The following HSPG2 variants were observed in gnomAD, a reference collection of about 807,000 sequenced individuals.
The protein encoded by HSPG2 is basement membrane-specific heparan sulfate proteoglycan core protein.
A neutral mutation model predicts 526.6 loss-of-function variants in HSPG2; 278 were observed. That is an observed-to-expected ratio of 0.53 (90% CI 0.48 to 0.58). The LOEUF is 0.58. Among genes scored for constraint, HSPG2 ranks in the 20% least tolerant of loss-of-function variants. HSPG2 has a pLI of 0.00. For synonymous variants in HSPG2, 2,465 were observed against 2,555.4 expected, an observed-to-expected ratio of 0.96 and a Z score of 1.07; for missense variants, 5,354 against 6,099.5, an observed-to-expected ratio of 0.88 and a Z score of 4.07.
intron 1 of HSPG2, among the ~76,000 whole-genome samples, chr1:21,916,891 T>C (rs975981096): frequency 1.3e-5 from 2 of 152,210 alleles, no homozygotes; most frequent in African/African-American, 2.4e-5. Flanking sequence ...GCTGCACAGC[T>C]GTAGGCTGCA....
intron 1 of HSPG2, among the ~76,000 whole-genome samples, chr1:21,932,902 T>A (rs1644381666): frequency 6.6e-6 from 1 of 151,902 alleles, no homozygotes; most frequent in Non-Finnish European, 1.5e-5. Flanking sequence ...CCATCTCTAT[T>A]TGTTTTAAAT....
intron 1 of HSPG2, among the ~76,000 whole-genome samples, chr1:21,932,731 G>A (rs561483473): frequency 1.9e-4 from 29 of 152,274 alleles, no homozygotes; most frequent in African/African-American, 7.2e-5. Context: ...AACAGCAGAC[G>A]CAGAGACCCT....
In HSPG2 at chr1:21,850,493, G is replaced by A. The variant is rs773119518; in HGVS notation, c.7164C>T (p.His2388=). Residue 2388 remains histidine, a synonymous_variant, in exon 56 of 97, where the codon CAC becomes CAT. Coordinates refer to ENST00000374695, the MANE Select transcript of HSPG2 (RefSeq NM_005529.7). ...CTTGGTAGAGTCTCAGCAGGGAGCC[G>A]TGGGTCTGGCCAGAATGGGGGTGAG... ...GGSLPVRHQT[H]GSLLRLYQAS... is the part of the protein sequence containing the mutation. 8.7e-6 allele frequency: 14 copies of A among 1,609,194 alleles called. No homozygotes were observed. Among genetic ancestry groups the A allele is most frequent in the Non-Finnish European group, 1.0e-5 (12 of 1,177,660 alleles).
intron 69 of HSPG2, 55 bp from the exon 70 acceptor site, chr1:21,841,728 C>G (rs1383701388): frequency 1.2e-6 from 2 of 1,606,538 alleles, no homozygotes; most frequent in East Asian, 4.5e-5. Context: ...CTTCTCGTGT[C>G]TTGGTGCTGC....
At chr1:21,852,309 T>G in intron 52 of HSPG2, 76 bp from the exon 53 acceptor site, 1 of 1,560,842 alleles carries the variant, frequency 6.4e-7, no homozygotes, top group Non-Finnish European at 8.8e-7. Context: ...ACCCTGCAGC[T>G]AGCTCAGCCC....
rs1638961442 is a variant in HSPG2 at position 21,852,253 on chromosome 1, A to C, written c.6725-20T>G. 6.2e-7 allele frequency: 1 copy of C among 1,613,666 alleles called. No homozygotes were observed. Among genetic ancestry groups the C allele is most frequent in the East Asian group, 2.2e-5 (1 of 44,870 alleles). On this transcript the variant is annotated intron_variant, in intron 52 of 96. Coordinates refer to ENST00000374695, the MANE Select transcript of HSPG2 (RefSeq NM_005529.7). ...TGGGTCCTGCAGCAGTGGGGATGGG[A>C]GTGAGAGTTGTAGATGCTCCTGAGA...
Position 21,865,186 on chromosome 1 carries a change from G to C in HSPG2, c.4395+99C>G. The C allele has an allele frequency of 6.6e-7, 1 of 1,520,506 alleles. No homozygotes were observed. The highest frequency in any genetic ancestry group is 9.1e-7 in the Non-Finnish European group (1 of 1,095,082). 94.2% of individuals were successfully genotyped at this position (1,520,506 alleles called of 1,614,324 possible). ...CACTGACTGAGGGCTGCCAGGTGAA[G>C]GTTGGGGAGCGAGAGACAGGGTGGG... On this transcript the variant is annotated intron_variant, in intron 35 of 96. Transcript: ENST00000374695. The surrounding 1 kb of genome is among the most constrained non-coding windows in gnomAD (Gnocchi z 5.4).
chr1:21,925,665 C>T (rs1644169491), intron 1 of HSPG2, among the ~76,000 whole-genome samples: 2 of 152,166 alleles, frequency 1.3e-5, no homozygotes, highest in Non-Finnish European at 2.9e-5. Context: ...GCCCATGTGG[C>T]AGACATGCAG....
At position 21,828,356 on chromosome 1, in the gene HSPG2, T is replaced by C. The variant is rs1424582058; in HGVS notation, c.12308A>G (p.Tyr4103Cys). 1 of 1,613,768 alleles carries C rather than the reference T, an allele frequency of 6.2e-7. No individual in the cohort carries two copies. The highest frequency in any genetic ancestry group is 8.5e-7 in the Non-Finnish European group (1 of 1,180,002). ...FLGSQGIGQC[Y>C]DSSPCERQPC... ...CTGGCGCTCACATGGGGAGCTATCA[T>C]AGCATTGCCCGATGCCCTGGCTGCC... Residue 4103 changes from tyrosine (Y) to cysteine (C), a missense_variant, in exon 89 of 97, where the codon TAT becomes TGT. Coordinates refer to ENST00000374695, the MANE Select transcript of HSPG2 (RefSeq NM_005529.7). The surrounding 1 kb of genome is among the most constrained non-coding windows in gnomAD (Gnocchi z 6.0).
rs886046036 is a variant in HSPG2, at chr1:21,874,492, G to A, written c.3570C>T (p.Cys1190=). 6.2e-7 allele frequency: 1 copy of A among 1,613,098 alleles called. No homozygotes were observed. The highest frequency in any genetic ancestry group is 8.5e-7 in the Non-Finnish European group (1 of 1,179,968). The change falls in exon 28 of 97, where the codon TGC becomes TGT. Residue 1190 remains cysteine (C), a synonymous_variant. Transcript: ENST00000374695. ...HHTEGPRCEQ[C]QPGYYGDAQR... ...GGGCGTCCCCGTAGTATCCTGGCTG[G>A]CACTGCTCACACCGAGGGCCCTCCG...
intron 1 of HSPG2, among the ~76,000 whole-genome samples, chr1:21,923,988 CCT>C (rs758794082): frequency 3.2e-4 from 48 of 152,172 alleles, no homozygotes; most frequent in Non-Finnish European, 4.8e-4. Context: ...AATGAATGCC[CCT>C]GATGTCAGCT....
chr1:21,881,627 A>G, intron 13 of HSPG2, 125 bp from the exon 14 acceptor site: 1 of 925,004 alleles, frequency 1.1e-6, no homozygotes, highest in East Asian at 2.5e-5. Context: ...GAAAACTTTG[A>G]TCTCTCTTCC....
rs1346555537 is a variant in HSPG2, at chr1:21,884,817, C to T, written c.1457G>A (p.Gly486Asp). Reference sequence around the variant, plus strand: ...ACCGTCAGGAATGCCAAACACCATGCCCCGGGCGTTCATGGCCTCACAGGT... The same window carrying T: ...ACCGTCAGGAATGCCAAACACCATGTCCCGGGCGTTCATGGCCTCACAGGT... ...AYTCEAMNAR[G>D]MVFGIPDGVL... Residue 486 changes from glycine (G) to aspartate (D), a missense_variant, in exon 12 of 97, where the codon GGC (glycine) becomes GAC (aspartate). Physicochemically the swap from Gly to Asp is moderately conservative, Grantham distance 94. Coordinates refer to ENST00000374695, the MANE Select transcript of HSPG2 (RefSeq NM_005529.7). The T allele has an allele frequency of 6.2e-7, 1 of 1,613,840 alleles. No homozygotes were observed. The highest frequency in any genetic ancestry group is 1.1e-5 in the South Asian group (1 of 91,090).
intron 1 of HSPG2, among the ~76,000 whole-genome samples, chr1:21,918,996 C>T (rs916808439): frequency 2.6e-5 from 4 of 152,258 alleles, no homozygotes; most frequent in Admixed American, 1.3e-4. Flanking sequence ...GCCCGCCCTA[C>T]AGGCCATGTC....
chr1:21,844,274 G>A lies in HSPG2; in HGVS notation c.8490C>T (p.Arg2830=), dbSNP rs1638245571. Residue 2830 remains arginine (R), a synonymous_variant, in exon 65 of 97, where the codon CGC becomes CGT. Transcript: ENST00000374695. Reference sequence around the variant, plus strand: ...CCACTCGGGAGGAGGAGGGCTCGATGCGGATGGGTGGGGCTCCACCTGGGG... The same window carrying A: ...CCACTCGGGAGGAGGAGGGCTCGATACGGATGGGTGGGGCTCCACCTGGGG... ...VPAPGGAPPI[R]IEPSSSRVAE... is the part of the protein sequence containing the mutation. The A allele has an allele frequency of 3.1e-6, 5 of 1,613,522 alleles. No individual in the cohort carries two copies. The African/African-American group carries it at 4.0e-5, about 13-fold the overall frequency.
Position 21,854,346 on chromosome 1 carries a change from G to A in HSPG2, c.6289-3C>T. 2 of 1,565,460 alleles carry A rather than the reference G, an allele frequency of 1.3e-6. No homozygotes were observed. Among genetic ancestry groups the A allele is most frequent in the Non-Finnish European group, 1.7e-6 (2 of 1,154,692 alleles). ...AGCCGCAGACGGGAGCCGTGCACCT[G>A]GGCCAGGAGGAGCCAGAGGTACGTG... On this transcript the variant is annotated splice_polypyrimidine_tract_variant and splice_region_variant and intron_variant, in intron 49 of 96. Transcript: ENST00000374695.
chr1:21,881,492 C>T lies in HSPG2; in HGVS notation c.1665G>A (p.Val555=), dbSNP rs1424392349. The change falls in exon 14 of 97, where the codon GTG becomes GTA. Residue 555 remains valine (V), a synonymous_variant. Transcript: ENST00000374695. ...DQPDDFKGVN[V]TMPAQPGTPP... is the part of the protein sequence containing the mutation. ...GCGTGCCGGGCTGCGCAGGCATTGT[C>T]ACATTCACACCTGTGGGTGGCAAGG... 5 of 1,611,892 alleles carry T rather than the reference C, an allele frequency of 3.1e-6. No individual in the cohort carries two copies. Among genetic ancestry groups the T allele is most frequent in the South Asian group, 1.1e-5 (1 of 90,986 alleles).
chr1:21,847,578 G>T lies in HSPG2; in HGVS notation c.8026-86C>A. 24 of 1,602,442 alleles carry T rather than the reference G, an allele frequency of 1.5e-5. No homozygotes were observed. The highest frequency in any genetic ancestry group is 2.0e-5 in the Non-Finnish European group (24 of 1,170,800). Reference sequence around the variant, plus strand: ...TGGCTCAGGCCTTCCTGCTCAGCCTGTTGAGGCTGCTATCGGTCTACCCAG... The same window carrying T: ...TGGCTCAGGCCTTCCTGCTCAGCCTTTTGAGGCTGCTATCGGTCTACCCAG... On this transcript the variant is annotated intron_variant, in intron 61 of 96. Transcript: ENST00000374695. The surrounding 1 kb of genome is among the most constrained non-coding windows in gnomAD (Gnocchi z 4.1).
At position 21,864,305 on chromosome 1, in the gene HSPG2, G is replaced by A; in HGVS notation, c.4627-92C>T. The A allele has an allele frequency of 9.5e-7, 1 of 1,052,544 alleles. No individual in the cohort carries two copies. The highest frequency in any genetic ancestry group is 1.4e-6 in the Non-Finnish European group (1 of 694,510). 65.2% of individuals were successfully genotyped at this position (1,052,544 alleles called of 1,614,324 possible). On this transcript the variant is annotated intron_variant, in intron 36 of 96. Coordinates refer to ENST00000374695, the MANE Select transcript of HSPG2 (RefSeq NM_005529.7). The surrounding 1 kb of genome is among the most constrained non-coding windows in gnomAD (Gnocchi z 4.8). ...ACCCCTCCCTCCAGTGTCCTCCCAG[G>A]GGTGACCCTGGAACATCACAGGCCG...
Sources: gnomAD v4.1 joint callset for allele counts (sites outside exome capture counted in the v4.1 genomes callset) on GRCh38, gnomAD v4.1.1 for gene constraint, Gnocchi (gnomAD v3.1) non-coding constraint, MANE v1.5 for transcripts, NCBI Gene and HGNC (gene_info 2026-07-23, HGNC 2026-07-21) for gene names.